The following IPCEF1 variants were observed in gnomAD, a reference collection of about 807,000 sequenced individuals.
IPCEF1 encodes interactor protein for cytohesin exchange factors 1.
In IPCEF1, 31 loss-of-function variants were observed where a neutral mutation model predicts 50.9. The observed-to-expected ratio is 0.61, with a 90% CI of 0.46 to 0.82. The LOEUF (loss-of-function observed/expected upper bound fraction) is 0.82, where lower values mean the gene tolerates loss of function less well. IPCEF1 is among the 40% of genes least tolerant of loss of function. IPCEF1 has a pLI of 0.00. For synonymous variants in IPCEF1, 181 were observed against 192.0 expected (o/e 0.94, Z 0.47); for missense variants, 458 against 514.0 (o/e 0.89, Z 1.05).
Position 154,263,387 on chromosome 6 carries a change from C to T in IPCEF1, c.36+2525G>A, listed in dbSNP as rs2128653319. On this transcript the variant is annotated intron_variant, in intron 3 of 11. Transcript: ENST00000367220. ...CTCTGGTTTTCCTAGGCAGAGGACC[C>T]TGCGGCCTTCCGCAGTGTTTGTGTC... 3.5e-5 allele frequency among the ~76,000 whole-genome samples: 5 copies of T among 143,060 alleles called. No individual in the cohort carries two copies. The South Asian group carries it at 1.2e-3, about 34-fold the overall frequency. The allele number at this position is 143,060 out of a possible 152,430, so 93.9% of individuals were successfully genotyped here.
chr6:154,180,977 A>G (rs188683410), intron 10 of IPCEF1, among the ~76,000 whole-genome samples: 27 of 152,242 alleles, frequency 1.8e-4, no homozygotes, highest in African/African-American at 6.5e-4. Context: ...TCACCAAGAG[A>G]AGAAAAAACT....
chr6:154,296,777 G>C (rs922338702), intron 1 of IPCEF1, among the ~76,000 whole-genome samples: 3 of 150,788 alleles, frequency 2.0e-5, no homozygotes, highest in South Asian at 4.2e-4. Context: ...TGCAGTGAGC[G>C]GAGATCACCC....
At chr6:154,326,848 T>C (rs893441632) in intron 1 of IPCEF1, among the ~76,000 whole-genome samples, 2 of 152,172 alleles carry the variant, frequency 1.3e-5, no homozygotes, top group African/African-American at 4.8e-5. Context: ...AATGTCATGG[T>C]ACTGGTACAA....
In IPCEF1 at chr6:154,257,088, A is replaced by C. The variant is rs191773637; in HGVS notation, c.36+8824T>G. On this transcript the variant is annotated intron_variant, in intron 3 of 11. Transcript: ENST00000367220. ...TTTATCAGGATGTAACCCCATGGTA[A>C]GTCAAGAAACATCTGTATATCCTGT... Among the ~76,000 whole-genome samples the C allele has an allele frequency of 3.4e-3, 518 of 152,318 alleles. 5 individuals are homozygous for C. Among genetic ancestry groups the C allele is most frequent in the African/African-American group, 0.012 (495 of 41,562 alleles).
chr6:154,331,391 G>GAAAGAAAGAAAGAAAGAAAGAAAGAA, intron 1 of IPCEF1, among the ~76,000 whole-genome samples: 1 of 130,842 alleles, frequency 7.6e-6, no homozygotes, highest in Non-Finnish European at 1.6e-5. Context: ...AAGAAAGAAA[G>GAAAGAAAGAAAGAAAGAAAGAAAGAA]AAAGAAAGAA....
chr6:154,315,312 T>C (rs981587228), intron 1 of IPCEF1, among the ~76,000 whole-genome samples: 2 of 152,316 alleles, frequency 1.3e-5, no homozygotes, highest in South Asian at 2.1e-4. Context: ...CAGTAAATAT[T>C]TGTAGGGCCA....
intron 2 of IPCEF1, among the ~76,000 whole-genome samples, chr6:154,282,305 G>A (rs931944145): frequency 6.6e-6 from 1 of 152,204 alleles, no homozygotes; most frequent in African/African-American, 2.4e-5. Flanking sequence ...AACCAGTTAA[G>A]AGGCTACTGG....
At chr6:154,336,572 A>G (rs1409417427) in intron 1 of IPCEF1, among the ~76,000 whole-genome samples, 1 of 152,162 alleles carries the variant, frequency 6.6e-6, no homozygotes, top group Non-Finnish European at 1.5e-5. Flanking sequence ...CAAATATACA[A>G]ACATACAGTT....
intron 1 of IPCEF1, among the ~76,000 whole-genome samples, chr6:154,344,811 GCTCT>G (rs1226878191): frequency 2.0e-5 from 3 of 152,120 alleles, no homozygotes; most frequent in East Asian, 3.8e-4. Flanking sequence ...CCTGGATCAT[GCTCT>G]CTCTAACTTT....
chr6:154,213,776 T>C (rs114414794), intron 8 of IPCEF1, among the ~76,000 whole-genome samples: 189 of 152,294 alleles, frequency 1.2e-3, no homozygotes, highest in African/African-American at 4.2e-3. Context: ...TGTGTCCCAG[T>C]ATGACCTTCA....
At chr6:154,339,867 G>A (rs571888956) in intron 1 of IPCEF1, among the ~76,000 whole-genome samples, 2 of 152,280 alleles carry the variant, frequency 1.3e-5, no homozygotes, top group Admixed American at 1.3e-4. Flanking sequence ...AAAGTGCTGG[G>A]ATTACAGGCA....
chr6:154,233,798 T>G (rs186443223), intron 5 of IPCEF1, among the ~76,000 whole-genome samples: 1 of 152,072 alleles, frequency 6.6e-6, no homozygotes, highest in African/African-American at 2.4e-5. Context: ...TGCATCTCAC[T>G]GTGGGAAAGC....
chr6:154,334,364 T>A (rs1047078160), intron 1 of IPCEF1, among the ~76,000 whole-genome samples: 1 of 152,178 alleles, frequency 6.6e-6, no homozygotes, highest in East Asian at 1.9e-4. Flanking sequence ...CAGTTCCCCA[T>A]CCATAAAGTG....
At position 154,212,953 on chromosome 6, in the gene IPCEF1, C is replaced by T. The variant is rs148122571; in HGVS notation, c.452-98G>A. 3.7e-6 allele frequency: 3 copies of T among 811,954 alleles called. No individual in the cohort carries two copies. The East Asian group carries it at 8.0e-5, about 22-fold the overall frequency. The allele number at this position is 811,954 out of a possible 1,614,324, so 50.3% of individuals were successfully genotyped here. ...TATCTCCATCTGGCTATTGCAATTTCAATCCAATTCAGAAAGTTCATATCT... is the reference window on the plus strand; with the variant it reads ...TATCTCCATCTGGCTATTGCAATTTTAATCCAATTCAGAAAGTTCATATCT... On this transcript the variant is annotated intron_variant, in intron 8 of 11. Coordinates refer to ENST00000367220, the MANE Select transcript of IPCEF1 (RefSeq NM_001130700.2).
intron 10 of IPCEF1, among the ~76,000 whole-genome samples, chr6:154,170,185 T>A (rs1009879904): frequency 1.3e-5 from 2 of 152,240 alleles, no homozygotes; most frequent in Non-Finnish European, 2.9e-5. Context: ...TTTCCTTTAT[T>A]CCTTGGAAGA....
chr6:154,233,183 G>T (rs1779858940), intron 5 of IPCEF1, among the ~76,000 whole-genome samples: 1 of 152,064 alleles, frequency 6.6e-6, no homozygotes, highest in African/African-American at 2.4e-5. Context: ...TGGCCAGACT[G>T]GTCTCAAACT....
intron 5 of IPCEF1, among the ~76,000 whole-genome samples, chr6:154,226,773 G>T (rs1779286725): frequency 6.6e-6 from 1 of 151,842 alleles, no homozygotes; most frequent in East Asian, 1.9e-4. Flanking sequence ...GCTGCCCTCG[G>T]GTCAAGTCTA....
intron 1 of IPCEF1, among the ~76,000 whole-genome samples, chr6:154,312,403 G>A (rs946057671): frequency 6.6e-6 from 1 of 152,142 alleles, no homozygotes; most frequent in Non-Finnish European, 1.5e-5. Flanking sequence ...CTGGAGTGCA[G>A]TGTCACGATC....
chr6:154,172,828 G>A lies in IPCEF1; in HGVS notation c.911-4715C>T, dbSNP rs530535838. 2.6e-5 allele frequency among the ~76,000 whole-genome samples: 4 copies of A among 152,338 alleles called. No homozygotes were observed. In the South Asian group the frequency reaches 8.3e-4, roughly 32 times the overall value. On this transcript the variant is annotated intron_variant, in intron 10 of 11. Transcript: ENST00000367220. Reference sequence around the variant, plus strand: ...CAGTGGTTCTCCCAGCACGGCATTCGATCTCTGATAACGGACAGACCACTT... The same window carrying A: ...CAGTGGTTCTCCCAGCACGGCATTCAATCTCTGATAACGGACAGACCACTT...
Sources: gnomAD v4.1 joint callset for allele counts (sites outside exome capture counted in the v4.1 genomes callset) on GRCh38, gnomAD v4.1.1 for gene constraint, MANE v1.5 for transcripts, NCBI Gene and HGNC (gene_info 2026-07-23, HGNC 2026-07-21) for gene names.